AMOTL1: variants seen among roughly 807,000 people sequenced by gnomAD.
AMOTL1 encodes angiomotin-like protein 1.
A neutral mutation model predicts 102.9 loss-of-function variants in AMOTL1; 45 were observed. The observed-to-expected ratio is 0.44, with a 90% CI of 0.34 to 0.56. The LOEUF (loss-of-function observed/expected upper bound fraction) is 0.56. Ranked by LOEUF, AMOTL1 falls within the 20% of genes least tolerant of loss-of-function variation. The pLI is 0.01. For missense variants in AMOTL1, 1,114 were observed against 1,225.6 expected (o/e 0.91, Z 1.36); for synonymous variants, 481 against 484.7 (o/e 0.99, Z 0.10).
intron 8 of AMOTL1, among the ~76,000 whole-genome samples, chr11:94,857,845 T>A (rs1952699044): frequency 6.6e-6 from 1 of 152,100 alleles, no homozygotes; most frequent in African/African-American, 2.4e-5. Flanking sequence ...ACATGCTCAG[T>A]CAATACTTGT....
At chr11:94,864,959 G>A (rs184618057) in intron 10 of AMOTL1, 99 bp downstream of exon 10, 48 of 1,413,280 alleles carry the variant, frequency 3.4e-5, no homozygotes, top group African/African-American at 3.3e-4. Context: ...AAGGCTGTGA[G>A]CATGAGGTCT....
intron 2 of AMOTL1, among the ~76,000 whole-genome samples, chr11:94,730,522 G>A (rs997690253): frequency 2.0e-5 from 3 of 152,110 alleles, no homozygotes; most frequent in Non-Finnish European, 1.5e-5. Context: ...GTCACAGCAC[G>A]TATCATCACA....
chr11:94,868,932 A>G (rs1229511538), intron 11 of AMOTL1, among the ~76,000 whole-genome samples: 1 of 149,464 alleles, frequency 6.7e-6, no homozygotes, highest in Non-Finnish European at 1.5e-5. Flanking sequence ...CTTGACAACT[A>G]CTTCTCCACT....
At chr11:94,721,447 G>T (rs1950172687) in intron 1 of AMOTL1, among the ~76,000 whole-genome samples, 1 of 151,902 alleles carries the variant, frequency 6.6e-6, no homozygotes, top group African/African-American at 2.4e-5. Flanking sequence ...ATATGTTGAA[G>T]CCCTAACCCT....
In AMOTL1 at chr11:94,795,201, G is replaced by A. The variant is rs765713389; in HGVS notation, c.199+41G>A. ...GGCACTTGTGTTGGAAAAGCAAAAT[G>A]ATCTTACGTTTCTCATCTTTAGCTC... On this transcript the variant is annotated intron_variant, in intron 2 of 12. Coordinates refer to ENST00000433060, the MANE Select transcript of AMOTL1 (RefSeq NM_130847.3). The A allele has an allele frequency of 3.7e-6, 6 of 1,605,828 alleles. No homozygotes were observed. The South Asian group carries it at 6.7e-5, about 18-fold the overall frequency.
intron 4 of AMOTL1, among the ~76,000 whole-genome samples, chr11:94,828,072 C>T (rs545807144): frequency 2.0e-5 from 3 of 152,290 alleles, no homozygotes; most frequent in Non-Finnish European, 4.4e-5. Flanking sequence ...TGGAAATCTT[C>T]GCCAATATGT....
chr11:94,829,951 A>T lies in AMOTL1; in HGVS notation c.1414-99A>T, dbSNP rs1592009847. On this transcript the variant is annotated intron_variant, in intron 4 of 12. Transcript: ENST00000433060. ...TTGAGATGCAGAAAGACTGCATTGA[A>T]GATACAGCCTTCACACTGGCAATGT... 5 of 1,206,542 alleles carry T rather than the reference A, an allele frequency of 4.1e-6. No individual in the cohort carries two copies. The South Asian group carries it at 8.2e-5, about 20-fold the overall frequency. 74.7% of individuals were successfully genotyped at this position (1,206,542 alleles called of 1,614,324 possible).
chr11:94,768,337 G>C (rs1950883850), upstream of AMOTL1: 1 of 1,380,338 alleles, frequency 7.2e-7, no homozygotes, highest in Non-Finnish European at 9.4e-7. Context: ...GGGGAGCGGG[G>C]AGCGCGGACG....
intron 7 of AMOTL1, 23 bp from the exon 8 acceptor site, chr11:94,853,910 C>T: frequency 6.2e-7 from 1 of 1,600,394 alleles, no homozygotes; most frequent in Non-Finnish European, 8.5e-7. Context: ...ATTCTGTGCT[C>T]TTTTTTACTC....
chr11:94,743,229 C>T (rs1950549752), intron 3 of AMOTL1, among the ~76,000 whole-genome samples: 1 of 152,182 alleles, frequency 6.6e-6, no homozygotes, highest in African/African-American at 2.4e-5. Flanking sequence ...GCCCGGGGAT[C>T]CCTAAGGCGT....
chr11:94,823,815 A>G (rs1455042078), intron 4 of AMOTL1, among the ~76,000 whole-genome samples: 1 of 151,438 alleles, frequency 6.6e-6, no homozygotes, highest in Non-Finnish European at 1.5e-5. Context: ...TCCCAGGTTC[A>G]AGCGATTCTC....
chr11:94,868,944 C>CAA (rs199534531), intron 11 of AMOTL1, among the ~76,000 whole-genome samples: 57 of 125,830 alleles, frequency 4.5e-4, no homozygotes, highest in African/African-American at 1.5e-3. Context: ...TTCTCCACTC[C>CAA]AAAAAAAAAA....
At position 94,830,229 on chromosome 11, in the gene AMOTL1, C is replaced by G. The variant is rs776713613; in HGVS notation, c.1558+35C>G. On this transcript the variant is annotated intron_variant, in intron 5 of 12. Transcript: ENST00000433060. The stretch of plus-strand genomic sequence containing the variant: ...TTCATGTTCTCTCTATCTAAACTAC[C>G]TGTAGAGTTTTAGTGTAGCTAAAAG... 8 of 1,557,756 alleles carry G rather than the reference C, an allele frequency of 5.1e-6. No homozygotes were observed. In the South Asian group the frequency reaches 8.7e-5, roughly 17 times the overall value.
intron 3 of AMOTL1, among the ~76,000 whole-genome samples, chr11:94,806,561 A>T (rs1048777983): frequency 6.6e-6 from 1 of 152,198 alleles, no homozygotes; most frequent in Admixed American, 6.5e-5. Flanking sequence ...CCAGCTAAAC[A>T]TGTGTTTTGA....
At position 94,850,988 on chromosome 11, in the gene AMOTL1, T is replaced by G. The variant is rs549093969; in HGVS notation, c.1794+729T>G. 8.5e-5 allele frequency among the ~76,000 whole-genome samples: 13 copies of G among 152,328 alleles called. No individual in the cohort carries two copies. The East Asian group carries it at 2.1e-3, about 25-fold the overall frequency. ...CCCCGATGCTAAGTAACAGGGATGT[T>G]TCATCAGATTTCAAACACAAGGATA... On this transcript the variant is annotated intron_variant, in intron 7 of 12. Transcript: ENST00000433060.
At chr11:94,710,288 T>C (rs769197062) in intron 1 of AMOTL1, among the ~76,000 whole-genome samples, 1 of 151,420 alleles carries the variant, frequency 6.6e-6, no homozygotes, top group Non-Finnish European at 1.5e-5. Flanking sequence ...AAGAGGAGGG[T>C]TTTAAACAGG....
Position 94,780,105 on chromosome 11 carries a change from A to G in AMOTL1, c.49+11545A>G, listed in dbSNP as rs141995589. Among the ~76,000 whole-genome samples, 55 of 152,320 alleles carry G rather than the reference A, an allele frequency of 3.6e-4. No homozygotes were observed. In the East Asian group the frequency reaches 7.3e-3, roughly 20 times the overall value. ...TCAGAGATGAAATGAAAGAAAAATTATGGAACAAAGGTGCTAGGGAGAGGA... is the reference window on the plus strand; with the variant it reads ...TCAGAGATGAAATGAAAGAAAAATTGTGGAACAAAGGTGCTAGGGAGAGGA... On this transcript the variant is annotated intron_variant, in intron 1 of 12. Transcript: ENST00000433060.
intron 1 of AMOTL1, among the ~76,000 whole-genome samples, chr11:94,711,337 T>C (rs1327748810): frequency 6.6e-6 from 1 of 152,140 alleles, no homozygotes; most frequent in Non-Finnish European, 1.5e-5. Context: ...AGTCTATGAG[T>C]GCCCCCCTTC....
At chr11:94,731,548 A>G (rs1363253223) in intron 2 of AMOTL1, among the ~76,000 whole-genome samples, 1 of 152,246 alleles carries the variant, frequency 6.6e-6, no homozygotes, top group Non-Finnish European at 1.5e-5. Context: ...TGCCAGAGCT[A>G]AGTCAGAAAT....
Sources: allele counts gnomAD v4.1 joint callset (sites outside exome capture counted in the v4.1 genomes callset), GRCh38; gene constraint gnomAD v4.1.1; transcripts MANE v1.5; gene names NCBI Gene and HGNC (gene_info 2026-07-23, HGNC 2026-07-21).